HIPK2: variants seen among roughly 807,000 people sequenced by gnomAD.
HIPK2 encodes homeodomain interacting protein kinase 2.
A neutral mutation model predicts 113.7 loss-of-function variants in HIPK2; 27 were observed. The observed-to-expected ratio is 0.24, with a 90% CI of 0.17 to 0.33. The LOEUF (loss-of-function observed/expected upper bound fraction) is 0.33. HIPK2 is among the 10% of genes least tolerant of loss of function. The probability of loss-of-function intolerance (pLI) is 1.00; values close to 1 mark genes in which losing one functional copy is unlikely to be tolerated. For synonymous variants in HIPK2, 631 were observed against 642.2 expected (o/e 0.98, Z 0.26); for missense variants, 1,257 against 1,588.0 (o/e 0.79, Z 3.54).
chr7:139,731,480 C>T lies in HIPK2; in HGVS notation c.20-14465G>A, dbSNP rs538758639. ...GTTAAGAGGCCACAGACGGCACTTC[C>T]TCAAACCTGCCTTTTCTAAACCTCA... is the stretch of plus-strand genomic sequence containing the variant. On this transcript the variant is annotated intron_variant, in intron 1 of 14. Transcript: ENST00000406875. Among the ~76,000 whole-genome samples, 11 of 152,332 alleles carry T rather than the reference C, an allele frequency of 7.2e-5. No individual in the cohort carries two copies. In the South Asian group the frequency reaches 1.5e-3, roughly 20 times the overall value.
At chr7:139,751,506 G>T (rs950378277) in intron 1 of HIPK2, among the ~76,000 whole-genome samples, 5 of 139,926 alleles carry the variant, frequency 3.6e-5, no homozygotes, top group Non-Finnish European at 6.1e-5. Context: ...GACCTTTGGG[G>T]AAGGTTCCCT....
At chr7:139,769,308 C>T (rs549283922) in intron 1 of HIPK2, among the ~76,000 whole-genome samples, 4 of 152,236 alleles carry the variant, frequency 2.6e-5, no homozygotes, top group African/African-American at 4.8e-5. Flanking sequence ...TCTCCACGGC[C>T]GCAGTGCCTT....
At position 139,573,084 on chromosome 7, in the gene HIPK2, C is replaced by G. The variant is rs1354422226; in HGVS notation, c.3440G>C (p.Ser1147Thr). Residue 1147 changes from serine to threonine, a missense_variant, in exon 15 of 15, where the codon AGC (serine) becomes ACC (threonine). Around this residue, in one of 5 missense-constraint regions of HIPK2, gnomAD observed 862 missense variants for 1,004.3 expected, o/e 0.86. Transcript: ENST00000406875. ...CGAGGGCAGGACCCGGGGGCCCATGCTCACGGGGACCTGGTGGACGATGCT... is the reference window on the plus strand; with the variant it reads ...CGAGGGCAGGACCCGGGGGCCCATGGTCACGGGGACCTGGTGGACGATGCT... ...PASIVHQVPV[S>T]MGPRVLPSPT... is the part of the protein sequence containing the mutation. 5 of 1,611,970 alleles carry G rather than the reference C, an allele frequency of 3.1e-6. No individual in the cohort carries two copies. The highest frequency in any genetic ancestry group is 4.2e-6 in the Non-Finnish European group (5 of 1,179,140).
At chr7:139,610,332 C>T (rs1799770175) in intron 9 of HIPK2, among the ~76,000 whole-genome samples, 1 of 152,210 alleles carries the variant, frequency 6.6e-6, no homozygotes, top group Non-Finnish European at 1.5e-5. Flanking sequence ...GATTTGGGCT[C>T]ACAAAGGCGG....
rs1245061018 is a variant in HIPK2 at position 139,716,801 on chromosome 7, T to C, written c.234A>G (p.Leu78=). 1.2e-6 allele frequency: 2 copies of C among 1,613,728 alleles called. No homozygotes were observed. The highest frequency in any genetic ancestry group is 1.7e-6 in the Non-Finnish European group (2 of 1,179,846). The change falls in exon 2 of 15, where the codon CTA becomes CTG. Residue 78 remains leucine (L), a synonymous_variant. Transcript: ENST00000406875. The surrounding 1 kb of genome is among the most constrained non-coding windows in gnomAD (Gnocchi z 9.3). ...STSLPVPNPS[L]PYEQTIVFPG... is the part of the protein sequence containing the mutation. ...GGAAGACGATGGTCTGCTCGTAAGGTAGGCTTGGGTTTGGGACCGGCAAGG... is the reference window on the plus strand; with the variant it reads ...GGAAGACGATGGTCTGCTCGTAAGGCAGGCTTGGGTTTGGGACCGGCAAGG...
At chr7:139,670,751 C>CTT (rs1802244998) in intron 2 of HIPK2, among the ~76,000 whole-genome samples, 23 of 58,978 alleles carry the variant, frequency 3.9e-4, no homozygotes, top group African/African-American at 1.1e-3. Flanking sequence ...TTCTTTCTTT[C>CTT]TTTCTTTCTT....
intron 12 of HIPK2, among the ~76,000 whole-genome samples, chr7:139,584,848 TG>T (rs1011321927): frequency 3.3e-5 from 5 of 152,212 alleles, no homozygotes; most frequent in African/African-American, 1.2e-4. Flanking sequence ...TGATGCTGTG[TG>T]AAAGCCACTC....
chr7:139,640,959 T>A (rs1800995285), intron 2 of HIPK2, among the ~76,000 whole-genome samples: 1 of 152,364 alleles, frequency 6.6e-6, no homozygotes, highest in Non-Finnish European at 1.5e-5. Context: ...TGGAACACTC[T>A]GTTGAAATAC....
At chr7:139,603,146 G>C (rs1004593423) in intron 10 of HIPK2, among the ~76,000 whole-genome samples, 2 of 152,096 alleles carry the variant, frequency 1.3e-5, no homozygotes, top group African/African-American at 4.8e-5. Context: ...TTCTTTTCTC[G>C]GAGAGATCTT....
intron 12 of HIPK2, among the ~76,000 whole-genome samples, chr7:139,586,858 C>A (rs933800522): frequency 2.6e-5 from 4 of 151,924 alleles, no homozygotes; most frequent in African/African-American, 9.7e-5. Context: ...TTGTTTGAGT[C>A]TACATATATG....
At chr7:139,765,043 G>C (rs1352765031) in intron 1 of HIPK2, among the ~76,000 whole-genome samples, 5 of 151,998 alleles carry the variant, frequency 3.3e-5, no homozygotes, top group African/African-American at 1.2e-4. Flanking sequence ...AGTTGAGGCA[G>C]GAGAATCTCT....
rs529870769 is a variant in HIPK2 at position 139,627,219 on chromosome 7, A to G, written c.1435-434T>C. On this transcript the variant is annotated intron_variant, in intron 5 of 14. Transcript: ENST00000406875. ...CCCTTAACAAAGGCTAAGATGATAA[A>G]TTTTATGCTATGTGTGTGTTTGCCA... Among the ~76,000 whole-genome samples, 8 of 152,304 alleles carry G rather than the reference A, an allele frequency of 5.3e-5. 1 individual carries two copies. In the South Asian group the frequency reaches 1.5e-3, roughly 28 times the overall value.
intron 2 of HIPK2, among the ~76,000 whole-genome samples, chr7:139,632,473 G>A (rs568767809): frequency 1.3e-5 from 2 of 152,268 alleles, no homozygotes; most frequent in African/African-American, 4.8e-5. Context: ...CTTCTAAAAA[G>A]CTAATCTTCT....
chr7:139,655,374 T>G (rs555332056), intron 2 of HIPK2, among the ~76,000 whole-genome samples: 6 of 152,068 alleles, frequency 3.9e-5, no homozygotes, highest in African/African-American at 1.4e-4. Context: ...CAGTAGAGAG[T>G]GAATGGGGAG....
rs760485579 is a variant in HIPK2, at chr7:139,716,564, A to G, written c.471T>C (p.Asn157=). 7 of 1,613,956 alleles carry G rather than the reference A, an allele frequency of 4.3e-6. No individual in the cohort carries two copies. The highest frequency in any genetic ancestry group is 5.1e-6 in the Non-Finnish European group (6 of 1,179,892). ...CAGTGGCGACAGTGGCCCCGCTTGC[A>G]TTATTCTGAATCATGGGTGGATGCT... ...IEEHPPMIQN[N]ASGATVATAT... is the part of the protein sequence containing the mutation. The change falls in exon 2 of 15, where the codon AAT becomes AAC. Residue 157 remains asparagine (N), a synonymous_variant. Coordinates refer to ENST00000406875, the MANE Select transcript of HIPK2 (RefSeq NM_022740.5). The surrounding 1 kb of genome is among the most constrained non-coding windows in gnomAD (Gnocchi z 9.3).
In HIPK2 at chr7:139,714,654, T is replaced by C. The variant is rs571653309; in HGVS notation, c.1103+1278A>G. Reference sequence around the variant, plus strand: ...CGAGCGTGCTTGCTTGCAAGCAGGATGGCCTCCGGGGACCCCGGTCTTCCT... The same window carrying C: ...CGAGCGTGCTTGCTTGCAAGCAGGACGGCCTCCGGGGACCCCGGTCTTCCT... On this transcript the variant is annotated intron_variant, in intron 2 of 14. Coordinates refer to ENST00000406875, the MANE Select transcript of HIPK2 (RefSeq NM_022740.5). The surrounding 1 kb of genome is among the most constrained non-coding windows in gnomAD (Gnocchi z 4.2). Among the ~76,000 whole-genome samples, 2 of 152,332 alleles carry C rather than the reference T, an allele frequency of 1.3e-5. No homozygotes were observed. Among genetic ancestry groups the C allele is most frequent in the South Asian group, 2.1e-4 (1 of 4,834 alleles).
At chr7:139,668,499 T>A (rs1285893865) in intron 2 of HIPK2, among the ~76,000 whole-genome samples, 1 of 151,172 alleles carries the variant, frequency 6.6e-6, no homozygotes, top group East Asian at 2.0e-4. Context: ...GAGGCAGAGC[T>A]TGCAGTGAGC....
intron 11 of HIPK2, among the ~76,000 whole-genome samples, chr7:139,597,233 G>A (rs1799254709): frequency 6.6e-6 from 1 of 152,216 alleles, no homozygotes; most frequent in Non-Finnish European, 1.5e-5. Flanking sequence ...GACAAAGGGA[G>A]CAGCCAGGGC....
intron 2 of HIPK2, among the ~76,000 whole-genome samples, chr7:139,641,869 A>G (rs1481660138): frequency 6.6e-6 from 1 of 152,248 alleles, no homozygotes; most frequent in Non-Finnish European, 1.5e-5. Context: ...CGCTAATCGG[A>G]GCGCACAGGC....
Sources: gnomAD v4.1 joint callset for allele counts (sites outside exome capture counted in the v4.1 genomes callset) on GRCh38, gnomAD v4.1.1 for gene constraint, gnomAD v4.1.1 regional missense constraint, Gnocchi (gnomAD v3.1) non-coding constraint, MANE v1.5 for transcripts, NCBI Gene and HGNC (gene_info 2026-07-23, HGNC 2026-07-21) for gene names.